ADGRV1: variants seen among roughly 807,000 people sequenced by gnomAD.
The protein encoded by ADGRV1 is adhesion G protein-coupled receptor V1.
ADGRV1 carries 359 observed loss-of-function variants against 596.2 expected under a neutral mutation model. The observed-to-expected ratio is 0.60, with a 90% CI of 0.55 to 0.66. The LOEUF (loss-of-function observed/expected upper bound fraction) is 0.66, where lower values mean the gene tolerates loss of function less well. Ranked by LOEUF, ADGRV1 falls within the 30% of genes least tolerant of loss-of-function variation. The pLI is 0.00. For missense variants in ADGRV1, 7,274 were observed against 7,575.6 expected (o/e 0.96, Z 1.48); for synonymous variants, 2,681 against 2,679.2 (o/e 1.00, Z -0.02).
chr5:90,675,528 C>T, intron 24 of ADGRV1, 83 bp downstream of exon 24: 1 of 1,300,244 alleles, frequency 7.7e-7, no homozygotes, highest in South Asian at 1.3e-5. Flanking sequence ...TACACTGTAC[C>T]TGGAACATAG....
intron 86 of ADGRV1, among the ~76,000 whole-genome samples, chr5:91,077,186 A>G (rs975482779): frequency 6.6e-6 from 1 of 152,180 alleles, no homozygotes; most frequent in African/African-American, 2.4e-5. Context: ...GCATCTCTAT[A>G]GAACAGAAAT....
At chr5:90,741,211 T>A (rs1334577264) in intron 50 of ADGRV1, among the ~76,000 whole-genome samples, 1 of 152,058 alleles carries the variant, frequency 6.6e-6, no homozygotes, top group Non-Finnish European at 1.5e-5. Flanking sequence ...CTACCTGGAC[T>A]ATTACATCAC....
rs1768957544 is a variant in ADGRV1 at position 90,653,550 on chromosome 5, G to A, written c.3976G>A (p.Asp1326Asn). 1 of 1,613,796 alleles carries A rather than the reference G, an allele frequency of 6.2e-7. No homozygotes were observed. Among genetic ancestry groups the A allele is most frequent in the South Asian group, 1.1e-5 (1 of 91,072 alleles). ...QHMRRHHSGT[D>N]ALYFTGLEGA... ...CATGCGGCGTCACCACAGTGGAACGGATGCTTTGTACTTTACCGGACTAGA... is the reference window on the plus strand; with the variant it reads ...CATGCGGCGTCACCACAGTGGAACGAATGCTTTGTACTTTACCGGACTAGA... Residue 1326 changes from aspartate to asparagine, a missense_variant, in exon 20 of 90, where the codon GAT becomes AAT. Around this residue, in one of 5 missense-constraint regions of ADGRV1, gnomAD observed 1,715 missense variants for 1,708.8 expected, o/e 1.00. Coordinates refer to ENST00000405460, the MANE Select transcript of ADGRV1 (RefSeq NM_032119.4).
intron 9 of ADGRV1, chr5:90,630,452 T>C (rs1432074280): frequency 6.6e-6 from 1 of 152,232 alleles, no homozygotes. Context: ...CAAAATATTA[T>C]TTTTATGGCC....
intron 72 of ADGRV1, 55 bp from the exon 73 acceptor site, chr5:90,807,547 C>T: frequency 1.3e-6 from 2 of 1,504,806 alleles, no homozygotes; most frequent in Non-Finnish European, 1.8e-6. Flanking sequence ...AAAGTCAAAT[C>T]CCAATTTAAG....
chr5:90,642,572 GC>G lies in ADGRV1; in HGVS notation c.2241-62del, dbSNP rs1767110217. 3.2e-6 allele frequency: 5 copies of G among 1,570,114 alleles called. No individual in the cohort carries two copies. The Admixed American group carries it at 9.0e-5, about 28-fold the overall frequency. ...AAGAGTTGTAAATATTGCCTTAAAA[GC>G]CTGCAAAATTCAGAAGTAAAACTGG... is the stretch of plus-strand genomic sequence containing the variant. On this transcript the variant is annotated intron_variant, in intron 11 of 89. Transcript: ENST00000405460.
intron 84 of ADGRV1, among the ~76,000 whole-genome samples, chr5:90,981,768 G>C (rs963108952): frequency 6.6e-6 from 1 of 152,184 alleles, no homozygotes; most frequent in Non-Finnish European, 1.5e-5. Context: ...AGTATATGAA[G>C]AAAGTAAATC....
intron 1 of ADGRV1, among the ~76,000 whole-genome samples, chr5:90,596,790 G>A (rs1161807955): frequency 1.3e-5 from 2 of 152,142 alleles, no homozygotes; most frequent in Non-Finnish European, 2.9e-5. Flanking sequence ...GAAAGAGAGG[G>A]AGAGGGAGAC....
intron 83 of ADGRV1, among the ~76,000 whole-genome samples, chr5:90,931,953 G>A (rs1044162265): frequency 6.6e-6 from 1 of 152,156 alleles, no homozygotes; most frequent in Non-Finnish European, 1.5e-5. Flanking sequence ...GCACAAAGTT[G>A]AAACAGCAAA....
At position 90,781,590 on chromosome 5, in the gene ADGRV1, C is replaced by T; in HGVS notation, c.13231+12C>T. 1.3e-6 allele frequency: 2 copies of T among 1,587,880 alleles called. No individual in the cohort carries two copies. The highest frequency in any genetic ancestry group is 1.7e-6 in the Non-Finnish European group (2 of 1,165,808). The stretch of plus-strand genomic sequence containing the variant: ...TACTGCCTTCGAAGGTAGGTTCAGT[C>T]AGCTAGCTTGTAAGTAAGTTTACTA... On this transcript the variant is annotated intron_variant, in intron 65 of 89. Coordinates refer to ENST00000405460, the MANE Select transcript of ADGRV1 (RefSeq NM_032119.4).
chr5:90,713,803 A>G (rs1008166128), intron 42 of ADGRV1, among the ~76,000 whole-genome samples: 8 of 152,164 alleles, frequency 5.3e-5, no homozygotes, highest in Non-Finnish European at 1.0e-4. Flanking sequence ...CATAGGTGAC[A>G]TGCCCACCTC....
rs1241169116 is a variant in ADGRV1, at chr5:90,641,945, G to A, written c.2241-691G>A. ...TTTTAATATGTTCTTTTGGAGATAC[G>A]TAGGAATTGGTATAACATGTCATGC... On this transcript the variant is annotated intron_variant, in intron 11 of 89. Transcript: ENST00000405460. Among the ~76,000 whole-genome samples, 18 of 152,090 alleles carry A rather than the reference G, an allele frequency of 1.2e-4. 1 individual carries two copies. The highest frequency in any genetic ancestry group is 4.1e-4 in the South Asian group (2 of 4,820).
intron 87 of ADGRV1, among the ~76,000 whole-genome samples, chr5:91,137,316 C>G (rs896565022): frequency 5.9e-5 from 9 of 152,078 alleles, no homozygotes; most frequent in African/African-American, 2.2e-4. Context: ...AACTTACTTG[C>G]TCTTGATAAA....
chr5:90,652,285 C>A, intron 18 of ADGRV1, 61 bp from the exon 19 acceptor site: 1 of 1,182,942 alleles, frequency 8.5e-7, no homozygotes, highest in Non-Finnish European at 1.2e-6. Context: ...CTTAATAACA[C>A]AGGAAGCTCT....
At chr5:91,032,584 T>TTA (rs1784568990) in intron 85 of ADGRV1, among the ~76,000 whole-genome samples, 1 of 151,834 alleles carries the variant, frequency 6.6e-6, no homozygotes, top group African/African-American at 2.4e-5. Flanking sequence ...CTAATTATAA[T>TTA]TATATATATA....
At chr5:90,668,328 GC>G (rs1771855187) in intron 21 of ADGRV1, among the ~76,000 whole-genome samples, 1 of 152,124 alleles carries the variant, frequency 6.6e-6, no homozygotes, top group African/African-American at 2.4e-5. Flanking sequence ...CGTTTTTTAA[GC>G]CCGTCGGAAA....
chr5:91,150,047 G>A lies in ADGRV1; in HGVS notation c.18450G>A (p.Met6150Ile), dbSNP rs1299380458. Reference protein sequence around the residue: ...FNSLQGLYVFMVYFILHNQMC... With the variant: ...FNSLQGLYVFIVYFILHNQMC... The stretch of plus-strand genomic sequence containing the variant: ...TTTTGCAGGGACTTTATGTTTTCAT[G>A]GTTTATTTCATTTTACACAACCAAA... Residue 6150 changes from methionine to isoleucine, a missense_variant, in exon 88 of 90, where the codon ATG becomes ATA. Met to Ile is a conservative substitution (Grantham distance 10, BLOSUM62 1). Transcript: ENST00000405460. The A allele has an allele frequency of 1.5e-6, 2 of 1,376,820 alleles. No homozygotes were observed. The highest frequency in any genetic ancestry group is 1.9e-6 in the Non-Finnish European group (2 of 1,049,570). 85.3% of individuals were successfully genotyped at this position (1,376,820 alleles called of 1,614,324 possible).
rs1330285474 is a variant in ADGRV1, at chr5:90,980,584, A to C, written c.17974-4760A>C. On this transcript the variant is annotated intron_variant, in intron 84 of 89. Transcript: ENST00000405460. ...CAACATTTTAAAAGCTTAGAAACAG[A>C]AGTGTAAATAGAGACCTACATATTG... Among the ~76,000 whole-genome samples, 5 of 152,326 alleles carry C rather than the reference A, an allele frequency of 3.3e-5. No homozygotes were observed. The East Asian group carries it at 9.6e-4, about 29-fold the overall frequency.
intron 84 of ADGRV1, among the ~76,000 whole-genome samples, chr5:90,967,104 A>C (rs552266381): frequency 1.3e-5 from 2 of 152,162 alleles, no homozygotes; most frequent in South Asian, 4.1e-4. Flanking sequence ...TTTCCCCAGT[A>C]TGATATGATA....
Sources: gnomAD v4.1 joint callset for allele counts (sites outside exome capture counted in the v4.1 genomes callset) on GRCh38, gnomAD v4.1.1 for gene constraint, gnomAD v4.1.1 regional missense constraint, MANE v1.5 for transcripts, NCBI Gene and HGNC (gene_info 2026-07-23, HGNC 2026-07-21) for gene names.